Variants in RFTN1 observed in about 807,000 individuals in gnomAD.
The protein encoded by RFTN1 is raftlin, lipid raft linker 1, also known as raftlin.
In RFTN1, 26 loss-of-function variants were observed where a neutral mutation model predicts 46.5. That is an observed-to-expected ratio of 0.56 (90% CI 0.41 to 0.78). RFTN1 has a LOEUF of 0.78. Among genes scored for constraint, RFTN1 ranks in the 30% least tolerant of loss-of-function variants. RFTN1 has a pLI of 0.00. For synonymous variants in RFTN1, 261 were observed against 284.2 expected, an observed-to-expected ratio of 0.92 and a Z score of 0.82; for missense variants, 693 against 718.7, an observed-to-expected ratio of 0.96 and a Z score of 0.41.
chr3:16,394,712 T>A (rs1402508668), intron 4 of RFTN1, among the ~76,000 whole-genome samples: 2 of 145,564 alleles, frequency 1.4e-5, no homozygotes, highest in Admixed American at 6.9e-5. Flanking sequence ...ATTGATGTTA[T>A]TTTCAATAAA....
chr3:16,461,887 T>C (rs1212439422), intron 2 of RFTN1, among the ~76,000 whole-genome samples: 1 of 152,206 alleles, frequency 6.6e-6, no homozygotes, highest in African/African-American at 2.4e-5. Context: ...TCCTCTCCAT[T>C]ATCTGGCAGA....
rs1006059743 is a variant in RFTN1, at chr3:16,446,381, G to A, written c.146-12344C>T. 2.0e-5 allele frequency among the ~76,000 whole-genome samples: 3 copies of A among 151,446 alleles called. No individual in the cohort carries two copies. Among genetic ancestry groups the A allele is most frequent in the Non-Finnish European group, 2.9e-5 (2 of 67,962 alleles). ...TACCGTTAGGGAAATTCACATTGTC[G>A]TGCAACCATCACCACCATCTATCTC... On this transcript the variant is annotated intron_variant, in intron 2 of 9. Coordinates refer to ENST00000334133, the MANE Select transcript of RFTN1 (RefSeq NM_015150.2). This position sits in a 1 kb window ranked among gnomAD's most constrained non-coding sequence, Gnocchi z 4.5.
chr3:16,356,285 G>A lies in RFTN1; in HGVS notation c.1146+1647C>T, dbSNP rs1189074849. 6.6e-6 allele frequency among the ~76,000 whole-genome samples: 1 copy of A among 152,110 alleles called. No individual in the cohort carries two copies. The highest frequency in any genetic ancestry group is 6.5e-5 in the Admixed American group (1 of 15,284). ...CCCTGGAGAGACCATGGGCAGCAGGGTCACACAGGAGTAACTGGTGGGGCT... is the reference window on the plus strand; with the variant it reads ...CCCTGGAGAGACCATGGGCAGCAGGATCACACAGGAGTAACTGGTGGGGCT... On this transcript the variant is annotated intron_variant, in intron 7 of 9. Coordinates refer to ENST00000334133, the MANE Select transcript of RFTN1 (RefSeq NM_015150.2). This position sits in a 1 kb window ranked among gnomAD's most constrained non-coding sequence, Gnocchi z 4.9.
At chr3:16,496,579 A>G (rs2076629833) in intron 1 of RFTN1, among the ~76,000 whole-genome samples, 1 of 152,166 alleles carries the variant, frequency 6.6e-6, no homozygotes, top group African/African-American at 2.4e-5. Flanking sequence ...AACTGATAAT[A>G]CCAAATGTTG....
rs2072239149 is a variant in RFTN1 at position 16,353,676 on chromosome 3, G to C, written c.1146+4256C>G. 6.6e-6 allele frequency among the ~76,000 whole-genome samples: 1 copy of C among 152,168 alleles called. No homozygotes were observed. The highest frequency in any genetic ancestry group is 6.5e-5 in the Admixed American group (1 of 15,282). On this transcript the variant is annotated intron_variant, in intron 7 of 9. Coordinates refer to ENST00000334133, the MANE Select transcript of RFTN1 (RefSeq NM_015150.2). The surrounding 1 kb of genome is among the most constrained non-coding windows in gnomAD (Gnocchi z 5.4). ...TCTACAGAAGTAATTAAGGTTAAAT[G>C]AAGTCATACGCATGGGACCCTGATT... is the stretch of plus-strand genomic sequence containing the variant.
chr3:16,434,005 C>G lies in RFTN1; in HGVS notation c.178G>C (p.Ala60Pro), dbSNP rs147754203. The G allele has an allele frequency of 6.2e-7, 1 of 1,610,762 alleles. No individual in the cohort carries two copies. Among genetic ancestry groups the G allele is most frequent in the Non-Finnish European group, 8.5e-7 (1 of 1,178,732 alleles). Residue 60 changes from alanine (A) to proline (P), a missense_variant, in exon 3 of 10, where the codon GCC becomes CCC. By Grantham distance (27) the Ala-to-Pro change is conservative. Coordinates refer to ENST00000334133, the MANE Select transcript of RFTN1 (RefSeq NM_015150.2). ...TGGGCGGGCAGGTCACGCAGGGAGGCCAGCCTCACTGCTGAGGACCCAGGG... is the reference window on the plus strand; with the variant it reads ...TGGGCGGGCAGGTCACGCAGGGAGGGCAGCCTCACTGCTGAGGACCCAGGG... Reference protein sequence around the residue: ...ELPGSSAVRLASLRDLPAQLL... With the variant: ...ELPGSSAVRLPSLRDLPAQLL...
At position 16,338,787 on chromosome 3, in the gene RFTN1, G is replaced by T. The variant is rs2071099313; in HGVS notation, c.1147-11911C>A. ...TGTATTACCTAGAAAAGAGAAAAGG[G>T]ATTGAAAAAAGGAGCTTTTCCAAAG... On this transcript the variant is annotated intron_variant, in intron 7 of 9. Coordinates refer to ENST00000334133, the MANE Select transcript of RFTN1 (RefSeq NM_015150.2). This position sits in a 1 kb window ranked among gnomAD's most constrained non-coding sequence, Gnocchi z 5.3. 6.6e-6 allele frequency among the ~76,000 whole-genome samples: 1 copy of T among 152,196 alleles called. No individual in the cohort carries two copies. Among genetic ancestry groups the T allele is most frequent in the East Asian group, 1.9e-4 (1 of 5,182 alleles).
Position 16,409,420 on chromosome 3 carries a change from T to G in RFTN1, c.396A>C (p.Leu132Phe), listed in dbSNP as rs148849759. 3.3e-4 allele frequency: 525 copies of G among 1,613,830 alleles called. No individual in the cohort carries two copies. Among genetic ancestry groups the G allele is most frequent in the Middle Eastern group, 2.3e-3 (14 of 6,062 alleles). The change falls in exon 4 of 10, where the codon TTA becomes TTC. Residue 132 changes from leucine to phenylalanine, a missense_variant. Leu to Phe is a conservative substitution (Grantham distance 22). Transcript: ENST00000334133. ...YILELDCCSS[L>F]DHPTDQKLIP... ...TGAGTTTCTGGTCTGTCGGGTGGTC[T>G]AAGGAGGAACAGCAATCTAATTCCA...
In RFTN1 at chr3:16,409,374, CCTT is replaced by C. The variant is rs2074935467; in HGVS notation, c.439_441del (p.Lys147del). On this transcript the variant is annotated inframe_deletion and splice_region_variant, in exon 4 of 10. Coordinates refer to ENST00000334133, the MANE Select transcript of RFTN1 (RefSeq NM_015150.2). Reference sequence around the variant, plus strand: ...AATGGTACCCTGACTGTAGCGCTCACCTTCTTAATGAACTCTGGGATGAGTTTC... The same window carrying C: ...AATGGTACCCTGACTGTAGCGCTCACCTTAATGAACTCTGGGATGAGTTTC... 3.1e-6 allele frequency: 5 copies of C among 1,600,036 alleles called. No homozygotes were observed. The highest frequency in any genetic ancestry group is 4.3e-6 in the Non-Finnish European group (5 of 1,167,342).
chr3:16,482,589 C>T (rs994038196), intron 2 of RFTN1, among the ~76,000 whole-genome samples: 1 of 152,198 alleles, frequency 6.6e-6, no homozygotes, highest in Admixed American at 6.5e-5. Context: ...ATCACACATT[C>T]GTTGCAGAAC....
chr3:16,512,657 G>A lies in RFTN1; in HGVS notation c.-9+785C>T, dbSNP rs2125020913. The stretch of plus-strand genomic sequence containing the variant: ...GCACCAGCCCTGGCCTAGGACTGGG[G>A]TGCGCGTGCCTGACAACGGGGCTTC... On this transcript the variant is annotated intron_variant, in intron 1 of 9. Transcript: ENST00000334133. This position sits in a 1 kb window ranked among gnomAD's most constrained non-coding sequence, Gnocchi z 4.3. 1 of 152,564 alleles carries A rather than the reference G, an allele frequency of 6.6e-6. No individual in the cohort carries two copies. The allele number at this position is 152,564 out of a possible 1,614,324, so 9.5% of individuals were successfully genotyped here.
intron 3 of RFTN1, among the ~76,000 whole-genome samples, chr3:16,417,546 T>C (rs1381014986): frequency 6.6e-6 from 1 of 152,212 alleles, no homozygotes; most frequent in Non-Finnish European, 1.5e-5. Context: ...CAGGTTGACC[T>C]CATTACTCAT....
intron 4 of RFTN1, among the ~76,000 whole-genome samples, chr3:16,396,218 A>G (rs2074465010): frequency 6.6e-6 from 1 of 152,228 alleles, no homozygotes; most frequent in Non-Finnish European, 1.5e-5. Context: ...AAAGTCCAGG[A>G]GTCAGGAGAA....
chr3:16,444,807 C>T (rs2075697373), intron 2 of RFTN1, among the ~76,000 whole-genome samples: 1 of 152,174 alleles, frequency 6.6e-6, no homozygotes, highest in African/African-American at 2.4e-5. Context: ...AACATTTATT[C>T]CTTGATTTAA....
At position 16,512,319 on chromosome 3, in the gene RFTN1, T is replaced by G. The variant is rs557734722; in HGVS notation, c.-9+1123A>C. Among the ~76,000 whole-genome samples the G allele has an allele frequency of 1.6e-4, 25 of 152,214 alleles. No homozygotes were observed. Among genetic ancestry groups the G allele is most frequent in the Non-Finnish European group, 1.9e-4 (13 of 68,016 alleles). ...GGGGTTGGAAGATGCCTAGTCTAGT[T>G]GAGCGCCCAGCTCCTGAAACAGCTG... On this transcript the variant is annotated intron_variant, in intron 1 of 9. Coordinates refer to ENST00000334133, the MANE Select transcript of RFTN1 (RefSeq NM_015150.2). This position sits in a 1 kb window ranked among gnomAD's most constrained non-coding sequence, Gnocchi z 4.3.
At chr3:16,478,960 C>G (rs2076324986) in intron 2 of RFTN1, among the ~76,000 whole-genome samples, 1 of 152,206 alleles carries the variant, frequency 6.6e-6, no homozygotes, top group South Asian at 2.1e-4. Context: ...TAACCCATCA[C>G]TTTTGCTGTA....
At chr3:16,354,075 C>G (rs151311983) in intron 7 of RFTN1, among the ~76,000 whole-genome samples, 3 of 152,244 alleles carry the variant, frequency 2.0e-5, no homozygotes, top group Non-Finnish European at 4.4e-5. Flanking sequence ...TGGGCTGAAC[C>G]AAAAAGCCTT....
intron 4 of RFTN1, among the ~76,000 whole-genome samples, chr3:16,386,951 A>T (rs1363980639): frequency 4.6e-5 from 7 of 152,236 alleles, no homozygotes. Flanking sequence ...AAACAACTGA[A>T]GCAAAAAGTA....
intron 2 of RFTN1, among the ~76,000 whole-genome samples, chr3:16,441,695 C>T (rs1487456409): frequency 1.3e-5 from 2 of 152,226 alleles, no homozygotes; most frequent in South Asian, 2.1e-4. Context: ...CAAAGTCTGA[C>T]TTTGGTCTTC....
Sources: gnomAD v4.1 joint callset for allele counts (sites outside exome capture counted in the v4.1 genomes callset) on GRCh38, gnomAD v4.1.1 for gene constraint, Gnocchi (gnomAD v3.1) non-coding constraint, MANE v1.5 for transcripts, NCBI Gene and HGNC (gene_info 2026-07-23, HGNC 2026-07-21) for gene names.